Variants in OPCML observed in about 807,000 individuals in gnomAD.
OPCML encodes the protein opioid binding protein/cell adhesion molecule like.
OPCML carries 13 observed loss-of-function variants against 37.8 expected under a neutral mutation model. The observed-to-expected ratio is 0.34, with a 90% CI of 0.22 to 0.55. The LOEUF (loss-of-function observed/expected upper bound fraction) is 0.55. Among genes scored for constraint, OPCML ranks in the 20% least tolerant of loss-of-function variants. The pLI, the probability that OPCML is intolerant of heterozygous loss-of-function variation, is 0.91. For synonymous variants in OPCML, 176 were observed against 168.8 expected, an observed-to-expected ratio of 1.04 and a Z score of -0.33; for missense variants, 341 against 435.6, an observed-to-expected ratio of 0.78 and a Z score of 1.93.
chr11:133,294,109 C>A, intron 1 of OPCML, among the ~76,000 whole-genome samples: 1 of 152,014 alleles, frequency 6.6e-6, no homozygotes, highest in African/African-American at 2.4e-5. Context: ...GAAAGAAGCA[C>A]CGCCTCCCTG....
intron 4 of OPCML, among the ~76,000 whole-genome samples, chr11:132,502,929 A>G (rs1008330948): frequency 3.9e-5 from 6 of 152,172 alleles, no homozygotes; most frequent in African/African-American, 1.4e-4. Flanking sequence ...GCAGTTTCGC[A>G]TCCCTTATAG....
At chr11:132,830,205 C>T (rs1385553250) in intron 2 of OPCML, among the ~76,000 whole-genome samples, 1 of 152,104 alleles carries the variant, frequency 6.6e-6, no homozygotes, top group Non-Finnish European at 1.5e-5. Context: ...ATCACTTGCC[C>T]ATAAGGTTAC....
intron 1 of OPCML, among the ~76,000 whole-genome samples, chr11:133,444,780 T>C (rs1230486072): frequency 6.8e-6 from 1 of 146,514 alleles, no homozygotes; most frequent in Non-Finnish European, 1.5e-5. Flanking sequence ...TTTTCTAACT[T>C]TGAGTTTTTT....
intron 3 of OPCML, among the ~76,000 whole-genome samples, chr11:132,630,021 TAAAAC>T (rs1407200003): frequency 6.6e-6 from 1 of 152,182 alleles, no homozygotes; most frequent in Non-Finnish European, 1.5e-5. Context: ...TTAAAAAAAT[TAAAAC>T]AATAGTGAGA....
chr11:133,120,566 C>T (rs1324220081), intron 1 of OPCML, among the ~76,000 whole-genome samples: 1 of 152,224 alleles, frequency 6.6e-6, no homozygotes, highest in Non-Finnish European at 1.5e-5. Context: ...AGCTGAAGTG[C>T]AGCTATGTTG....
intron 2 of OPCML, among the ~76,000 whole-genome samples, chr11:132,761,000 A>G (rs2136097203): frequency 6.6e-6 from 1 of 152,230 alleles, no homozygotes; most frequent in Non-Finnish European, 1.5e-5. Flanking sequence ...CCTGGTGGTG[A>G]CAAAATCCCT....
At chr11:132,970,270 C>T (rs1165906692) in intron 1 of OPCML, among the ~76,000 whole-genome samples, 2 of 152,144 alleles carry the variant, frequency 1.3e-5, no homozygotes, top group African/African-American at 2.4e-5. Context: ...TATATAGGCA[C>T]ATACGAAATA....
chr11:133,518,642 TG>T lies in OPCML; in HGVS notation c.61+13621del, dbSNP rs1218345626. On this transcript the variant is annotated intron_variant, in intron 1 of 7. Transcript: ENST00000524381. The stretch of plus-strand genomic sequence containing the variant: ...GTGGGCAGTGGCAGGTGCTGGTGTG[TG>T]TGGGGCTGTGGCGTGGGCAGTGGCA... Among the ~76,000 whole-genome samples the T allele has an allele frequency of 6.9e-4, 102 of 148,756 alleles. 1 individual carries two copies. The highest frequency in any genetic ancestry group is 2.4e-3 in the African/African-American group (95 of 39,524).
At chr11:132,452,809 GA>G (rs1257103307) in intron 4 of OPCML, among the ~76,000 whole-genome samples, 2 of 152,136 alleles carry the variant, frequency 1.3e-5, no homozygotes, top group African/African-American at 4.8e-5. Flanking sequence ...ATATGACTCA[GA>G]TTGAATTTCT....
At chr11:133,095,681 A>C (rs1391611363) in intron 1 of OPCML, among the ~76,000 whole-genome samples, 1 of 150,078 alleles carries the variant, frequency 6.7e-6, no homozygotes, top group African/African-American at 2.5e-5. Flanking sequence ...AATTTCAGAA[A>C]ATCAAAGATA....
Position 132,531,538 on chromosome 11 carries a change from G to A in OPCML, c.380-2352C>T, listed in dbSNP as rs370041029. Among the ~76,000 whole-genome samples the A allele has an allele frequency of 4.6e-5, 7 of 152,292 alleles. 1 individual carries two copies. Among genetic ancestry groups the A allele is most frequent in the African/African-American group, 1.4e-4 (6 of 41,576 alleles). ...TACAGGTAAGTCTTTTCAAGGAGAA[G>A]CCAAGAGTAAAAAGTAGAACATTTG... is the stretch of plus-strand genomic sequence containing the variant. On this transcript the variant is annotated intron_variant, in intron 3 of 7. Transcript: ENST00000524381.
intron 3 of OPCML, among the ~76,000 whole-genome samples, chr11:132,573,213 A>ATTT (rs1319315045): frequency 6.6e-6 from 1 of 151,302 alleles, no homozygotes; most frequent in East Asian, 1.9e-4. Context: ...TTCCTTTCCA[A>ATTT]TTTGGATGTT....
chr11:132,598,877 C>T (rs1393031100), intron 3 of OPCML, among the ~76,000 whole-genome samples: 1 of 152,120 alleles, frequency 6.6e-6, no homozygotes, highest in African/African-American at 2.4e-5. Flanking sequence ...ATATATTTGG[C>T]TTTTATGTGT....
intron 7 of OPCML, among the ~76,000 whole-genome samples, chr11:132,422,119 G>A (rs1360962751): frequency 1.3e-5 from 2 of 151,950 alleles, no homozygotes; most frequent in African/African-American, 4.8e-5. Flanking sequence ...ATGTGTATAT[G>A]TATATACGTA....
intron 1 of OPCML, among the ~76,000 whole-genome samples, chr11:133,033,557 G>A (rs538355166): frequency 6.6e-6 from 1 of 152,246 alleles, no homozygotes; most frequent in Admixed American, 6.5e-5. Context: ...AACTTCCAGG[G>A]AATAAAGCTT....
At chr11:132,513,834 T>A (rs1028731770) in intron 4 of OPCML, among the ~76,000 whole-genome samples, 1 of 152,206 alleles carries the variant, frequency 6.6e-6, no homozygotes, top group Non-Finnish European at 1.5e-5. Context: ...CCACTTTTAT[T>A]GTACTATAAT....
chr11:133,077,338 G>A (rs11223358), intron 1 of OPCML, among the ~76,000 whole-genome samples: 5,070 of 152,010 alleles, frequency 0.033, 102 homozygotes, highest in East Asian at 0.061. Context: ...CATTTTCCCC[G>A]TGGGCTCGGC....
At chr11:133,086,314 T>A (rs1300874300) in intron 1 of OPCML, among the ~76,000 whole-genome samples, 1 of 152,190 alleles carries the variant, frequency 6.6e-6, no homozygotes, top group Non-Finnish European at 1.5e-5. Flanking sequence ...TAACATAAAA[T>A]GTGATGTGAT....
intron 1 of OPCML, among the ~76,000 whole-genome samples, chr11:133,447,235 G>A (rs775556124): frequency 1.4e-4 from 21 of 152,024 alleles, no homozygotes; most frequent in Non-Finnish European, 2.4e-4. Context: ...AATTGAAAAG[G>A]CATCTCATTG....
Sources: gnomAD v4.1 joint callset for allele counts (sites outside exome capture counted in the v4.1 genomes callset) on GRCh38, gnomAD v4.1.1 for gene constraint, MANE v1.5 for transcripts, NCBI Gene and HGNC (gene_info 2026-07-23, HGNC 2026-07-21) for gene names.